KCNIP1: variants seen among roughly 807,000 people sequenced by gnomAD.
KCNIP1 encodes the protein potassium voltage-gated channel interacting protein 1.
Under a neutral mutation model 33.0 loss-of-function variants are expected in KCNIP1, and 18 were observed. The ratio of observed to expected loss-of-function variants is 0.55; its 90% CI spans 0.38 to 0.81. The LOEUF is 0.81. Ranked by LOEUF, KCNIP1 falls within the 30% of genes least tolerant of loss-of-function variation. The pLI, the probability that KCNIP1 is intolerant of heterozygous loss-of-function variation, is 0.00. For synonymous variants in KCNIP1, 93 were observed against 98.3 expected, an observed-to-expected ratio of 0.95 and a Z score of 0.32; for missense variants, 238 against 271.6, an observed-to-expected ratio of 0.88 and a Z score of 0.87.
At chr5:170,601,078 T>G (rs532190408) in intron 1 of KCNIP1, among the ~76,000 whole-genome samples, 2 of 152,360 alleles carry the variant, frequency 1.3e-5, no homozygotes, top group South Asian at 4.1e-4. Flanking sequence ...ATTTTTAAAA[T>G]GGCAAAGATT....
At chr5:170,396,251 A>T (rs965285208) in intron 1 of KCNIP1, among the ~76,000 whole-genome samples, 1 of 152,216 alleles carries the variant, frequency 6.6e-6, no homozygotes, top group Non-Finnish European at 1.5e-5. Flanking sequence ...TCTGTCCAGG[A>T]TCAGCAGGAG....
intron 1 of KCNIP1, among the ~76,000 whole-genome samples, chr5:170,618,110 T>A (rs1181600286): frequency 6.6e-6 from 1 of 152,214 alleles, no homozygotes; most frequent in Non-Finnish European, 1.5e-5. Context: ...TTCATTTACA[T>A]AAGTGTCCTT....
chr5:170,713,826 AGCCTG>A (rs1264731816), intron 1 of KCNIP1, among the ~76,000 whole-genome samples: 1 of 152,122 alleles, frequency 6.6e-6, no homozygotes, highest in Non-Finnish European at 1.5e-5. Context: ...ACTTGAGACC[AGCCTG>A]GCTAACGTGG....
chr5:170,654,116 A>C (rs1363560128), intron 1 of KCNIP1, among the ~76,000 whole-genome samples: 1 of 152,110 alleles, frequency 6.6e-6, no homozygotes, highest in Non-Finnish European at 1.5e-5. Context: ...CACCAGTGCC[A>C]AGCCTTGCCC....
intron 1 of KCNIP1, among the ~76,000 whole-genome samples, chr5:170,445,749 T>A (rs1410603007): frequency 6.6e-6 from 1 of 152,214 alleles, no homozygotes; most frequent in Non-Finnish European, 1.5e-5. Flanking sequence ...CCCCGCTCCC[T>A]TTCCATCTGT....
intron 1 of KCNIP1, among the ~76,000 whole-genome samples, chr5:170,550,643 T>C (rs558318648): frequency 2.6e-5 from 4 of 152,136 alleles, no homozygotes; most frequent in African/African-American, 7.2e-5. Flanking sequence ...GTGATGACAA[T>C]GATGGTAACA....
chr5:170,366,295 C>T (rs1477437253), intron 1 of KCNIP1, among the ~76,000 whole-genome samples: 2 of 152,186 alleles, frequency 1.3e-5, no homozygotes, highest in Non-Finnish European at 2.9e-5. Flanking sequence ...TAGAGTCCAC[C>T]GGGGGCTCAA....
intron 1 of KCNIP1, chr5:170,486,551 A>G (rs1757098528): frequency 6.6e-6 from 1 of 152,202 alleles, no homozygotes; most frequent in Non-Finnish European, 1.5e-5. Flanking sequence ...ATCCTTAAGA[A>G]ATCCAAGTAA....
chr5:170,692,702 T>C (rs1762760309), intron 1 of KCNIP1, among the ~76,000 whole-genome samples: 1 of 152,208 alleles, frequency 6.6e-6, no homozygotes, highest in African/African-American at 2.4e-5. Context: ...ACACTTAGTA[T>C]GTCTTTACAT....
intron 4 of KCNIP1, among the ~76,000 whole-genome samples, chr5:170,722,299 G>A (rs1376515461): frequency 6.6e-6 from 1 of 152,114 alleles, no homozygotes; most frequent in Non-Finnish European, 1.5e-5. Context: ...GTTTTCCCAA[G>A]GTCAAAGAGC....
At chr5:170,597,437 CA>C (rs1254045411) in intron 1 of KCNIP1, among the ~76,000 whole-genome samples, 2 of 152,124 alleles carry the variant, frequency 1.3e-5, no homozygotes, top group African/African-American at 4.8e-5. Context: ...TCTGTGCTTG[CA>C]AAGAGGCGTC....
At chr5:170,404,620 G>C (rs1253636814) in intron 1 of KCNIP1, among the ~76,000 whole-genome samples, 1 of 152,158 alleles carries the variant, frequency 6.6e-6, no homozygotes, top group East Asian at 1.9e-4. Context: ...ATGGTGACAA[G>C]ATGCAGAAGC....
rs181386570 is a variant in KCNIP1, at chr5:170,406,100, T to C, written c.88+52136T>C. On this transcript the variant is annotated intron_variant, in intron 1 of 7. Transcript: ENST00000377360. The stretch of plus-strand genomic sequence containing the variant: ...GTCTAAAACACCAGCTAACTGATAA[T>C]TGCATTTATAGTTACTATGTTTTCC... Among the ~76,000 whole-genome samples the C allele has an allele frequency of 7.9e-5, 12 of 152,374 alleles. No homozygotes were observed. The East Asian group carries it at 2.3e-3, about 29-fold the overall frequency.
intron 1 of KCNIP1, among the ~76,000 whole-genome samples, chr5:170,469,609 T>C (rs1267205222): frequency 6.6e-6 from 1 of 152,178 alleles, no homozygotes; most frequent in Non-Finnish European, 1.5e-5. Context: ...AAGACTGTGC[T>C]TTCTGAGGGC....
At chr5:170,426,806 G>A (rs1412843411) in intron 1 of KCNIP1, among the ~76,000 whole-genome samples, 2 of 152,258 alleles carry the variant, frequency 1.3e-5, no homozygotes, top group Non-Finnish European at 1.5e-5. Context: ...AGAGGGGTTC[G>A]TAGAGGGTGG....
In KCNIP1 at chr5:170,514,790, C is replaced by T. The variant is rs532288222; in HGVS notation, c.61+10157C>T. 7.2e-5 allele frequency among the ~76,000 whole-genome samples: 11 copies of T among 152,304 alleles called. No individual in the cohort carries two copies. The East Asian group carries it at 1.7e-3, about 24-fold the overall frequency. On this transcript the variant is annotated intron_variant, in intron 1 of 7. Transcript: ENST00000328939. ...GAAAAGGAAAGAAACCGATCTGTATCGGGCACCTGCTGCATGCCAAGGACT... is the reference window on the plus strand; with the variant it reads ...GAAAAGGAAAGAAACCGATCTGTATTGGGCACCTGCTGCATGCCAAGGACT...
intron 1 of KCNIP1, among the ~76,000 whole-genome samples, chr5:170,577,718 C>T (rs1307003442): frequency 6.6e-6 from 1 of 151,910 alleles, no homozygotes; most frequent in East Asian, 1.9e-4. Context: ...TACTATGAAC[C>T]CAATAATTCA....
At chr5:170,664,073 T>A (rs1405980052) in intron 1 of KCNIP1, among the ~76,000 whole-genome samples, 1 of 152,050 alleles carries the variant, frequency 6.6e-6, no homozygotes, top group Non-Finnish European at 1.5e-5. Flanking sequence ...CCATCCTCAG[T>A]GTTAGCCAGA....
chr5:170,571,323 C>G (rs1056406236), intron 1 of KCNIP1, among the ~76,000 whole-genome samples: 1 of 152,218 alleles, frequency 6.6e-6, no homozygotes, highest in Admixed American at 6.5e-5. Context: ...CTAGACTCAT[C>G]TCTTCCCTGG....
Sources: gnomAD v4.1 joint callset for allele counts (sites outside exome capture counted in the v4.1 genomes callset) on GRCh38, gnomAD v4.1.1 for gene constraint, MANE v1.5 for transcripts, NCBI Gene and HGNC (gene_info 2026-07-23, HGNC 2026-07-21) for gene names.